Variants in EVC observed in about 807,000 individuals in gnomAD.
EVC encodes the protein EvC ciliary complex subunit 1, also known as evC complex member EVC.
EVC carries 116 observed loss-of-function variants against 118.9 expected under a neutral mutation model. The ratio of observed to expected loss-of-function variants is 0.98; its 90% CI spans 0.84 to 1.14. The LOEUF (loss-of-function observed/expected upper bound fraction) is 1.14, where lower values mean the gene tolerates loss of function less well. EVC is among the 50% of genes most tolerant of loss of function. EVC has a pLI of 0.00. For missense variants in EVC, 1,401 were observed against 1,246.4 expected, an observed-to-expected ratio of 1.12 and a Z score of -1.87; for synonymous variants, 619 against 534.7, an observed-to-expected ratio of 1.16 and a Z score of -2.18.
chr4:5,739,674 A>G (rs1728222483), intron 5 of EVC, among the ~76,000 whole-genome samples: 1 of 152,228 alleles, frequency 6.6e-6, no homozygotes, highest in African/African-American at 2.4e-5. Flanking sequence ...CAACCGCAGA[A>G]CTGAGTAGTT....
In EVC at chr4:5,793,465, G is replaced by C. The variant is rs913825806; in HGVS notation, c.1777-143G>C. The C allele has an allele frequency of 7.8e-6, 6 of 773,356 alleles. No homozygotes were observed. The East Asian group carries it at 1.6e-4, about 21-fold the overall frequency. 47.9% of individuals were successfully genotyped at this position (773,356 alleles called of 1,614,324 possible). Reference sequence around the variant, plus strand: ...TTTAAGGTTTTAGAAGAAAATACAAGAGAAAATGTTAATGAAATCGGGGCA... The same window carrying C: ...TTTAAGGTTTTAGAAGAAAATACAACAGAAAATGTTAATGAAATCGGGGCA... On this transcript the variant is annotated intron_variant, in intron 12 of 20. Transcript: ENST00000264956.
intron 2 of EVC, among the ~76,000 whole-genome samples, chr4:5,724,507 A>G (rs1008894181): frequency 6.6e-6 from 1 of 152,182 alleles, no homozygotes; most frequent in Non-Finnish European, 1.5e-5. Context: ...GGCATCAGCT[A>G]AAGAGGGCGG....
chr4:5,774,962 A>G (rs928604394), intron 11 of EVC, among the ~76,000 whole-genome samples: 1 of 152,164 alleles, frequency 6.6e-6, no homozygotes, highest in East Asian at 1.9e-4. Context: ...AGTCTTTCCA[A>G]GGAGCAGACA....
intron 12 of EVC, among the ~76,000 whole-genome samples, chr4:5,787,445 T>G (rs1034528946): frequency 6.6e-6 from 1 of 151,926 alleles, no homozygotes; most frequent in South Asian, 2.1e-4. Context: ...GAGTGAGGAG[T>G]GAGGAAGACT....
At chr4:5,772,556 C>CT (rs923644429) in intron 11 of EVC, among the ~76,000 whole-genome samples, 2 of 151,638 alleles carry the variant, frequency 1.3e-5, no homozygotes, top group African/African-American at 4.9e-5. Flanking sequence ...CATCCTTAAT[C>CT]TGGCCCATCA....
At chr4:5,762,034 C>T (rs1732115956) in intron 11 of EVC, among the ~76,000 whole-genome samples, 1 of 138,164 alleles carries the variant, frequency 7.2e-6, no homozygotes, top group East Asian at 2.1e-4. Flanking sequence ...GTATATCTCC[C>T]AGTGCTATCC....
At chr4:5,712,440 A>G (rs1373131845) in intron 1 of EVC, among the ~76,000 whole-genome samples, 3 of 152,174 alleles carry the variant, frequency 2.0e-5, no homozygotes, top group Admixed American at 6.5e-5. Context: ...GCCCTCATGG[A>G]ATTGGCTGTG....
chr4:5,782,692 A>G (rs927726579), intron 11 of EVC, among the ~76,000 whole-genome samples: 3 of 151,964 alleles, frequency 2.0e-5, no homozygotes, highest in Admixed American at 6.6e-5. Context: ...ATAAGACAAG[A>G]GGCAGGACAG....
rs1329866808 is a variant in EVC at position 5,731,012 on chromosome 4, A to G, written c.385-413A>G. Among the ~76,000 whole-genome samples, 1 of 152,000 alleles carries G rather than the reference A, an allele frequency of 6.6e-6. No homozygotes were observed. The highest frequency in any genetic ancestry group is 1.5e-5 in the Non-Finnish European group (1 of 67,982). ...GGTGACTCCTGCTCTGTGCAGGCGA[A>G]GGACAGGTGGTTGGCAGGATTCGTG... On this transcript the variant is annotated intron_variant, in intron 3 of 20. Transcript: ENST00000264956. The surrounding 1 kb of genome is among the most constrained non-coding windows in gnomAD (Gnocchi z 5.6).
rs1177637054 is a variant in EVC at position 5,755,376 on chromosome 4, G to A, written c.1465-888G>A. On this transcript the variant is annotated intron_variant, in intron 10 of 20. Transcript: ENST00000264956. The surrounding 1 kb of genome is among the most constrained non-coding windows in gnomAD (Gnocchi z 4.1). ...CGCAGGCAGGGAAGGGTGAATGAGC[G>A]CATGCGTGCCTGAATGAACCAGGAC... Among the ~76,000 whole-genome samples, 20 of 152,176 alleles carry A rather than the reference G, an allele frequency of 1.3e-4. No individual in the cohort carries two copies. Among genetic ancestry groups the A allele is most frequent in the Middle Eastern group, 3.4e-3 (1 of 294 alleles).
At chr4:5,797,941 T>TA (rs1263310726) in intron 14 of EVC, among the ~76,000 whole-genome samples, 1 of 152,156 alleles carries the variant, frequency 6.6e-6, no homozygotes, top group African/African-American at 2.4e-5. Flanking sequence ...AGCTGGGAGT[T>TA]ACACCCAGGT....
Position 5,809,572 on chromosome 4 carries a change from G to C in EVC, c.2743G>C (p.Ala915Pro), listed in dbSNP as rs1350522989. Residue 915 changes from alanine to proline, a missense_variant, in exon 19 of 21, where the codon GCT (alanine) becomes CCT (proline). Ala to Pro is a conservative substitution (Grantham distance 27). Transcript: ENST00000264956. ...GGCAGCCTTGGCCCGAGTGCCCCTT[G>C]CTGAAAGCAAACTGTTGCCTGCTAA... ...ELAALARVPL[A>P]ESKLLPAKRG... 1.8e-5 allele frequency: 29 copies of C among 1,614,072 alleles called. No homozygotes were observed. Among genetic ancestry groups the C allele is most frequent in the Non-Finnish European group, 2.5e-5 (29 of 1,180,042 alleles).
At chr4:5,794,345 A>ATATATT (rs1553890347) in intron 13 of EVC, among the ~76,000 whole-genome samples, 849 of 52,092 alleles carry the variant, frequency 0.016, 27 homozygotes, top group African/African-American at 0.037. Context: ...TTATATACTT[A>ATATATT]TATATATATT....
chr4:5,713,643 C>T (rs1440711160), intron 1 of EVC, among the ~76,000 whole-genome samples: 4 of 146,532 alleles, frequency 2.7e-5, no homozygotes, highest in Non-Finnish European at 5.9e-5. Context: ...CACCATTGCA[C>T]TCCAGCCTGG....
chr4:5,730,699 G>A (rs111951479), intron 3 of EVC, among the ~76,000 whole-genome samples: 2,010 of 152,044 alleles, frequency 0.013, 20 homozygotes, highest in Non-Finnish European at 0.02. Context: ...CAGGATCCAC[G>A]CCTGGAGGAA....
the EVC span, chr4:5,825,654 A>G: frequency 6.2e-7 from 1 of 1,611,962 alleles, no homozygotes; most frequent in Non-Finnish European, 8.5e-7. The surrounding 1 kb of genome is among the most constrained non-coding windows in gnomAD (Gnocchi z 4.4). Context: ...CTTGCAATCC[A>G]AAAACCTAAA....
the EVC span, chr4:5,828,037 G>A: frequency 1.0e-6 from 1 of 985,172 alleles, no homozygotes; most frequent in African/African-American, 1.7e-5. Context: ...TCTGAAGGAA[G>A]CCCTGCCTGC....
In EVC at chr4:5,756,349, T is replaced by C; in HGVS notation, c.1550T>C (p.Val517Ala). The change falls in exon 11 of 21, where the codon GTT becomes GCT. Residue 517 changes from valine to alanine, a missense_variant. By Grantham distance (64) the Val-to-Ala change is moderately conservative (BLOSUM62 0). Transcript: ENST00000264956. The surrounding 1 kb of genome is among the most constrained non-coding windows in gnomAD (Gnocchi z 4.2). ...EENVRATEAV[V>A]ALCQELYFST... ...AATGTCAGAGCCACCGAGGCTGTGG[T>C]TGCACTCTGCCAGGTACATGGCCTC... is the stretch of plus-strand genomic sequence containing the variant. 6.2e-7 allele frequency: 1 copy of C among 1,609,974 alleles called. No homozygotes were observed. The highest frequency in any genetic ancestry group is 1.3e-5 in the African/African-American group (1 of 74,960).
At chr4:5,716,038 G>A (rs931565300) in intron 1 of EVC, among the ~76,000 whole-genome samples, 1 of 152,148 alleles carries the variant, frequency 6.6e-6, no homozygotes, top group South Asian at 2.1e-4. Context: ...TACTGTACCC[G>A]GCCTCCATTG....
Sources: gnomAD v4.1 joint callset for allele counts (sites outside exome capture counted in the v4.1 genomes callset) on GRCh38, gnomAD v4.1.1 for gene constraint, Gnocchi (gnomAD v3.1) non-coding constraint, MANE v1.5 for transcripts, NCBI Gene and HGNC (gene_info 2026-07-23, HGNC 2026-07-21) for gene names.